PPP4R2: variants seen among roughly 807,000 people sequenced by gnomAD.
PPP4R2 encodes serine/threonine-protein phosphatase 4 regulatory subunit 2.
A neutral mutation model predicts 47.2 loss-of-function variants in PPP4R2; 13 were observed. The ratio of observed to expected loss-of-function variants is 0.28; its 90% CI spans 0.18 to 0.44. The LOEUF is 0.44. Among genes scored for constraint, PPP4R2 ranks in the 20% least tolerant of loss-of-function variants. The probability of loss-of-function intolerance (pLI) is 1.00; values close to 1 mark genes in which losing one functional copy is unlikely to be tolerated. For missense variants in PPP4R2, 421 were observed against 491.2 expected (o/e 0.86, Z 1.35); for synonymous variants, 151 against 163.3 (o/e 0.92, Z 0.57).
intron 5 of PPP4R2, 35 bp downstream of exon 5, chr3:73,061,095 T>C (rs747884056): frequency 6.9e-6 from 7 of 1,011,840 alleles, no homozygotes; most frequent in Non-Finnish European, 9.9e-6. Flanking sequence ...GTATATTATT[T>C]ACTATATTTA....
intron 3 of PPP4R2, among the ~76,000 whole-genome samples, chr3:73,052,666 TGAAA>T (rs1397162219): frequency 5.3e-5 from 8 of 152,168 alleles, no homozygotes; most frequent in African/African-American, 1.4e-4. Context: ...TTTTTCAAAA[TGAAA>T]GAATAATGAA....
At chr3:73,060,903 C>A in intron 4 of PPP4R2, 120 bp from the exon 5 acceptor site, 1 of 572,958 alleles carries the variant, frequency 1.7e-6, no homozygotes, top group Non-Finnish European at 2.9e-6. Flanking sequence ...TTTTCCTTTA[C>A]TAGCAAAATT....
intron 7 of PPP4R2, among the ~76,000 whole-genome samples, chr3:73,064,383 T>C (rs1702940774): frequency 6.6e-6 from 1 of 152,212 alleles, no homozygotes; most frequent in Admixed American, 6.5e-5. Context: ...GTAACGTAGA[T>C]ATGATGATCC....
At chr3:73,051,461 A>T (rs1031176203) in intron 3 of PPP4R2, among the ~76,000 whole-genome samples, 1 of 151,948 alleles carries the variant, frequency 6.6e-6, no homozygotes, top group Non-Finnish European at 1.5e-5. Context: ...ATTGCCCTTT[A>T]TATCTTCTTT....
chr3:72,998,013 G>T lies in PPP4R2; in HGVS notation c.35-64G>T, dbSNP rs562011320. ...TTTTAATAAGGTAAAGGACTAGGAGGAAAGTTTGTTTTTAGAGCGCTTTTG... is the reference window on the plus strand; with the variant it reads ...TTTTAATAAGGTAAAGGACTAGGAGTAAAGTTTGTTTTTAGAGCGCTTTTG... On this transcript the variant is annotated intron_variant, in intron 1 of 8. Transcript: ENST00000356692. The T allele has an allele frequency of 1.9e-5, 21 of 1,122,134 alleles. No individual in the cohort carries two copies. The East Asian group carries it at 4.5e-4, about 24-fold the overall frequency. The allele number at this position is 1,122,134 out of a possible 1,614,324, so 69.5% of individuals were successfully genotyped here.
chr3:73,032,036 T>C (rs2130903), intron 2 of PPP4R2, among the ~76,000 whole-genome samples: 1 of 152,034 alleles, frequency 6.6e-6, no homozygotes, highest in Non-Finnish European at 1.5e-5. Flanking sequence ...TGAGAAAGTG[T>C]TTGAAATACC....
chr3:73,040,847 T>C (rs1702364418), intron 2 of PPP4R2, among the ~76,000 whole-genome samples: 1 of 152,172 alleles, frequency 6.6e-6, no homozygotes, highest in African/African-American at 2.4e-5. Context: ...TAATAAATTA[T>C]GGCACAAATA....
At chr3:73,027,163 C>G (rs759416946) in intron 2 of PPP4R2, among the ~76,000 whole-genome samples, 1 of 152,164 alleles carries the variant, frequency 6.6e-6, no homozygotes, top group Non-Finnish European at 1.5e-5. Flanking sequence ...GAGTCTTGCT[C>G]TGTCACCAGG....
chr3:73,037,180 T>G (rs923115550), intron 2 of PPP4R2, among the ~76,000 whole-genome samples: 7 of 152,212 alleles, frequency 4.6e-5, no homozygotes, highest in African/African-American at 1.7e-4. Context: ...AATTCTAGAT[T>G]AGATCTTCAT....
At chr3:73,050,776 G>A (rs1277528358) in intron 3 of PPP4R2, among the ~76,000 whole-genome samples, 1 of 152,018 alleles carries the variant, frequency 6.6e-6, no homozygotes, top group Non-Finnish European at 1.5e-5. Context: ...TGAATAATAG[G>A]TTTTTATTTG....
intron 4 of PPP4R2, among the ~76,000 whole-genome samples, chr3:73,060,095 C>G (rs533271831): frequency 6.6e-6 from 1 of 152,210 alleles, no homozygotes; most frequent in South Asian, 2.1e-4. Context: ...GATGGTTGGT[C>G]CGGAAACACT....
At chr3:73,056,870 G>C (rs1164937356) in intron 3 of PPP4R2, among the ~76,000 whole-genome samples, 1 of 152,164 alleles carries the variant, frequency 6.6e-6, no homozygotes, top group Non-Finnish European at 1.5e-5. Context: ...TAATTAGTGA[G>C]AAAACATTAG....
chr3:72,997,825 T>C (rs1484993045), intron 1 of PPP4R2, among the ~76,000 whole-genome samples: 1 of 152,180 alleles, frequency 6.6e-6, no homozygotes, highest in African/African-American at 2.4e-5. Flanking sequence ...CGGACCACAC[T>C]TCGAGAAGCA....
intron 2 of PPP4R2, chr3:73,014,791 G>T: frequency 2.0e-5 from 8 of 395,844 alleles, no homozygotes; most frequent in Admixed American, 4.4e-5. Context: ...TGTATCATTT[G>T]TTTCATTGGA....
chr3:72,998,168 A>G lies in PPP4R2; in HGVS notation c.116+10A>G. ...AGACTGGAGAAACAATGTGAGTTGA[A>G]AACATGCATTTGTCGTTATAGACCA... On this transcript the variant is annotated intron_variant, in intron 2 of 8. Transcript: ENST00000356692. 6.3e-7 allele frequency: 1 copy of G among 1,581,438 alleles called. No homozygotes were observed. The highest frequency in any genetic ancestry group is 8.6e-7 in the Non-Finnish European group (1 of 1,158,390).
At chr3:73,042,244 G>GT (rs1319820563) in intron 2 of PPP4R2, among the ~76,000 whole-genome samples, 1 of 151,256 alleles carries the variant, frequency 6.6e-6, no homozygotes, top group Non-Finnish European at 1.5e-5. Context: ...AAAGCCAAGG[G>GT]TTTTTTTGTT....
chr3:73,018,783 CTTTT>C (rs553259951), intron 2 of PPP4R2, among the ~76,000 whole-genome samples: 3 of 152,138 alleles, frequency 2.0e-5, no homozygotes, highest in Non-Finnish European at 2.9e-5. Flanking sequence ...TTCAACTTGT[CTTTT>C]AAGACTGTTC....
intron 3 of PPP4R2, among the ~76,000 whole-genome samples, chr3:73,050,187 A>T (rs1020282793): frequency 1.3e-5 from 2 of 151,836 alleles, no homozygotes; most frequent in Non-Finnish European, 2.9e-5. Flanking sequence ...CTGGTCTGGA[A>T]CTCCTGACCT....
chr3:73,029,647 A>G (rs1238010834), intron 2 of PPP4R2, among the ~76,000 whole-genome samples: 4 of 152,142 alleles, frequency 2.6e-5, no homozygotes, highest in African/African-American at 7.2e-5. Context: ...TACTTGGCCA[A>G]ATGGTTGGGT....
Sources: allele counts gnomAD v4.1 joint callset (sites outside exome capture counted in the v4.1 genomes callset), GRCh38; gene constraint gnomAD v4.1.1; transcripts MANE v1.5; gene names NCBI Gene and HGNC (gene_info 2026-07-23, HGNC 2026-07-21).